The following ARPP21 variants were observed in gnomAD, a reference collection of about 807,000 sequenced individuals.
ARPP21 encodes the protein cAMP regulated phosphoprotein 21.
In ARPP21, 69 loss-of-function variants were observed where a neutral mutation model predicts 113.2. That is an observed-to-expected ratio of 0.61 (90% confidence interval 0.50 to 0.74). ARPP21 has a LOEUF of 0.74. Among genes scored for constraint, ARPP21 ranks in the 30% least tolerant of loss-of-function variants. The probability of loss-of-function intolerance (pLI) is 0.00; values close to 1 mark genes in which losing one functional copy is unlikely to be tolerated. For synonymous variants in ARPP21, 368 were observed against 375.5 expected (o/e 0.98, Z 0.23); for missense variants, 1,070 against 1,037.4 (o/e 1.03, Z -0.43).
intron 1 of ARPP21, among the ~76,000 whole-genome samples, chr3:35,646,118 G>A (rs1393944326): frequency 6.6e-6 from 1 of 151,864 alleles, no homozygotes; most frequent in Non-Finnish European, 1.5e-5. Context: ...TAGAAAAATC[G>A]AGCCACTGGT....
Position 35,743,819 on chromosome 3 carries a change from C to T in ARPP21, c.2011-20C>T. On this transcript the variant is annotated intron_variant, in intron 18 of 20. Transcript: ENST00000684406. ...TATCTACATTTTCATTCTCTGCTTT[C>T]TTCCTCCTTTCTTCCACAGATGCCT... 6.2e-7 allele frequency: 1 copy of T among 1,609,780 alleles called. No homozygotes were observed. The highest frequency in any genetic ancestry group is 1.7e-5 in the Admixed American group (1 of 59,512).
chr3:35,668,027 A>AAGAAGAAGAAGAAGAAGAAGAAGAAGG (rs1553646509), intron 1 of ARPP21, among the ~76,000 whole-genome samples: 2 of 132,462 alleles, frequency 1.5e-5, no homozygotes, highest in African/African-American at 2.8e-5. Flanking sequence ...GAAGAAGAAG[A>AAGAAGAAGAAGAAGAAGAAGAAGAAGG]AGAAGGAGAA....
At chr3:35,729,271 T>C (rs750075845) in intron 14 of ARPP21, 32 bp from the exon 15 acceptor site, 21 of 1,464,030 alleles carry the variant, frequency 1.4e-5, no homozygotes, top group Non-Finnish European at 2.0e-5. Context: ...CTCTGTGTGT[T>C]CAATGATTTG....
intron 18 of ARPP21, among the ~76,000 whole-genome samples, chr3:35,742,420 A>G (rs1255696093): frequency 6.6e-5 from 10 of 152,202 alleles, no homozygotes; most frequent in Admixed American, 6.5e-4. Context: ...ATTGTTATAA[A>G]CTGCCTGACA....
chr3:35,734,325 T>A (rs547376787), intron 15 of ARPP21, among the ~76,000 whole-genome samples: 1 of 152,330 alleles, frequency 6.6e-6, no homozygotes, highest in South Asian at 2.1e-4. Context: ...TTTTCCAAAT[T>A]GCTGATTTGG....
chr3:35,683,606 G>A, intron 4 of ARPP21, 120 bp from the exon 5 acceptor site: 2 of 661,292 alleles, frequency 3.0e-6, no homozygotes, highest in South Asian at 3.5e-5. Context: ...CTTGAAGTTT[G>A]GTTTTAAAAA....
intron 13 of ARPP21, among the ~76,000 whole-genome samples, chr3:35,719,723 A>C (rs2092863496): frequency 6.6e-6 from 1 of 152,196 alleles, no homozygotes; most frequent in South Asian, 2.1e-4. Context: ...CATCTCATGC[A>C]TCCTGTACTC....
chr3:35,677,343 A>G (rs2077776861), intron 1 of ARPP21, among the ~76,000 whole-genome samples: 1 of 151,780 alleles, frequency 6.6e-6, no homozygotes, highest in Non-Finnish European at 1.5e-5. Context: ...GATGAAAGAC[A>G]GCATATCATA....
intron 19 of ARPP21, among the ~76,000 whole-genome samples, chr3:35,768,079 C>CGT (rs5847897): frequency 0.021 from 2,372 of 111,728 alleles, 49 homozygotes; most frequent in Middle Eastern, 0.042. Context: ...CATGCTTTTC[C>CGT]GTGTGTGTGT....
chr3:35,701,786 C>T (rs1377642795), intron 9 of ARPP21, among the ~76,000 whole-genome samples: 2 of 151,030 alleles, frequency 1.3e-5, no homozygotes, highest in Non-Finnish European at 3.0e-5. Flanking sequence ...TTGACATATA[C>T]TAGATGGCCT....
At chr3:35,678,952 G>A (rs2078186683) in intron 1 of ARPP21, 2 of 151,976 alleles carry the variant, frequency 1.3e-5, no homozygotes. Context: ...AATATTATTA[G>A]GAGCCCGTCT....
intron 9 of ARPP21, among the ~76,000 whole-genome samples, chr3:35,693,612 A>G (rs2082909840): frequency 6.6e-6 from 1 of 151,722 alleles, no homozygotes; most frequent in Admixed American, 6.6e-5. Context: ...GTCTGTTGCC[A>G]TGCTCTTTGG....
intron 9 of ARPP21, among the ~76,000 whole-genome samples, chr3:35,694,331 C>A (rs574630290): frequency 6.0e-4 from 91 of 151,554 alleles, no homozygotes; most frequent in Non-Finnish European, 1.1e-3. Flanking sequence ...ATGAAAACAA[C>A]TTGTCTCAGG....
intron 14 of ARPP21, among the ~76,000 whole-genome samples, chr3:35,725,515 A>G (rs2093457972): frequency 6.6e-6 from 1 of 152,146 alleles, no homozygotes; most frequent in Non-Finnish European, 1.5e-5. Flanking sequence ...TCACTTCCTG[A>G]AGAAAACACA....
chr3:35,684,849 C>A, intron 5 of ARPP21: 1 of 982,828 alleles, frequency 1.0e-6, no homozygotes, highest in Non-Finnish European at 1.2e-6. Context: ...TGTCATAAGG[C>A]ATGGACAGGC....
chr3:35,764,668 G>A (rs1037889156), intron 19 of ARPP21, among the ~76,000 whole-genome samples: 2 of 152,144 alleles, frequency 1.3e-5, no homozygotes, highest in Non-Finnish European at 2.9e-5. Context: ...AGATTACTAA[G>A]GACTCAGAAT....
At chr3:35,792,758 T>A (rs560117893) in intron 20 of ARPP21, among the ~76,000 whole-genome samples, 1 of 152,402 alleles carries the variant, frequency 6.6e-6, no homozygotes, top group Non-Finnish European at 1.5e-5. Context: ...TATTTCCATA[T>A]AACTTCATAT....
At chr3:35,743,305 CAA>C (rs930767714) in intron 18 of ARPP21, among the ~76,000 whole-genome samples, 6 of 152,140 alleles carry the variant, frequency 3.9e-5, no homozygotes, top group Non-Finnish European at 8.8e-5. Context: ...CTAAAAAACA[CAA>C]AAGTCTTGTT....
At chr3:35,706,363 C>A (rs1359538549) in intron 9 of ARPP21, among the ~76,000 whole-genome samples, 1 of 152,184 alleles carries the variant, frequency 6.6e-6, no homozygotes, top group Non-Finnish European at 1.5e-5. Context: ...GCTAATCAAC[C>A]ATTAAGTTGT....
Sources: allele counts gnomAD v4.1 joint callset (sites outside exome capture counted in the v4.1 genomes callset), GRCh38; gene constraint gnomAD v4.1.1; transcripts MANE v1.5; gene names NCBI Gene and HGNC (gene_info 2026-07-23, HGNC 2026-07-21).